CAMK1D: variants seen among roughly 807,000 people sequenced by gnomAD.
The protein encoded by CAMK1D is calcium/calmodulin dependent protein kinase ID.
Under a neutral mutation model 47.7 loss-of-function variants are expected in CAMK1D, and 9 were observed. The observed-to-expected ratio is 0.19, with a 90% CI of 0.11 to 0.33. The LOEUF is 0.33. Ranked by LOEUF, CAMK1D falls within the 10% of genes least tolerant of loss-of-function variation. CAMK1D has a pLI of 1.00. For missense variants in CAMK1D, 291 were observed against 488.7 expected, an observed-to-expected ratio of 0.60 and a Z score of 3.81; for synonymous variants, 184 against 184.9, an observed-to-expected ratio of 0.99 and a Z score of 0.04.
intron 2 of CAMK1D, among the ~76,000 whole-genome samples, chr10:12,612,127 TG>T (rs1437126124): frequency 6.6e-6 from 1 of 152,198 alleles, no homozygotes; most frequent in Non-Finnish European, 1.5e-5. Flanking sequence ...TCTCTTTCTC[TG>T]GGACCTTAAG....
At position 12,637,194 on chromosome 10, in the gene CAMK1D, A is replaced by T. The variant is rs372311782; in HGVS notation, c.225-29542A>T. Among the ~76,000 whole-genome samples, 436 of 150,244 alleles carry T rather than the reference A, an allele frequency of 2.9e-3. 1 individual carries two copies. Among genetic ancestry groups the T allele is most frequent in the African/African-American group, 0.01 (421 of 40,862 alleles). ...ACCATGTTGGCCAGGCTGATCTTGA[A>T]CTCCTTGCCTCATGTGATCCACCCG... On this transcript the variant is annotated intron_variant, in intron 2 of 10. Coordinates refer to ENST00000619168, the MANE Select transcript of CAMK1D (RefSeq NM_153498.4).
At chr10:12,588,860 GTA>G (rs199590472) in intron 2 of CAMK1D, among the ~76,000 whole-genome samples, 10,297 of 106,320 alleles carry the variant, frequency 0.097, 1,097 homozygotes, top group African/African-American at 0.3. Context: ...ACATGTATAT[GTA>G]TATATGTGTG....
intron 8 of CAMK1D, among the ~76,000 whole-genome samples, chr10:12,820,458 G>A (rs1832975281): frequency 6.6e-6 from 1 of 152,180 alleles, no homozygotes; most frequent in African/African-American, 2.4e-5. Flanking sequence ...ACATTGCCTG[G>A]GCAAAGTAGA....
chr10:12,490,472 GA>G (rs1205066295), intron 1 of CAMK1D, among the ~76,000 whole-genome samples: 10 of 152,136 alleles, frequency 6.6e-5, no homozygotes, highest in African/African-American at 2.4e-4. Flanking sequence ...AGGGCATTGA[GA>G]AAAAGTAGCA....
chr10:12,625,193 G>A (rs1839170046), intron 2 of CAMK1D, among the ~76,000 whole-genome samples: 1 of 151,618 alleles, frequency 6.6e-6, no homozygotes, highest in Non-Finnish European at 1.5e-5. Context: ...AAAATGAACT[G>A]GGCGTGGTGG....
At chr10:12,642,516 C>A (rs541155284) in intron 2 of CAMK1D, among the ~76,000 whole-genome samples, 1 of 152,184 alleles carries the variant, frequency 6.6e-6, no homozygotes, top group South Asian at 2.1e-4. Flanking sequence ...GGGATTTTTC[C>A]CAGGACTGGG....
intron 8 of CAMK1D, among the ~76,000 whole-genome samples, chr10:12,817,145 A>C (rs567941086): frequency 3.9e-5 from 6 of 152,320 alleles, no homozygotes; most frequent in African/African-American, 1.4e-4. Context: ...CTGTGATTCA[A>C]TTACCTCCCA....
At chr10:12,693,783 A>G (rs1433578929) in intron 3 of CAMK1D, among the ~76,000 whole-genome samples, 1 of 148,498 alleles carries the variant, frequency 6.7e-6, no homozygotes, top group Non-Finnish European at 1.5e-5. Flanking sequence ...ATTCCTCAAA[A>G]TAAATCCTCG....
At chr10:12,631,709 A>G (rs1588711612) in intron 2 of CAMK1D, among the ~76,000 whole-genome samples, 3 of 149,022 alleles carry the variant, frequency 2.0e-5, no homozygotes, top group Non-Finnish European at 1.5e-5. Context: ...TTTTGGTGAC[A>G]TCAAAAGCTT....
At chr10:12,798,320 A>ACATGTGT (rs1261278514) in intron 6 of CAMK1D, among the ~76,000 whole-genome samples, 1 of 152,228 alleles carries the variant, frequency 6.6e-6, no homozygotes, top group Admixed American at 6.5e-5. Context: ...ATCGAGCCTA[A>ACATGTGT]CATGTGTCAG....
At chr10:12,613,387 G>A (rs1039967570) in intron 2 of CAMK1D, among the ~76,000 whole-genome samples, 1 of 152,210 alleles carries the variant, frequency 6.6e-6, no homozygotes, top group East Asian at 1.9e-4. Context: ...AAATAGGCCA[G>A]TGTTATTGAA....
chr10:12,483,832 G>A (rs911200773), intron 1 of CAMK1D, among the ~76,000 whole-genome samples: 2 of 152,008 alleles, frequency 1.3e-5, no homozygotes, highest in Non-Finnish European at 1.5e-5. Context: ...GATTACAGGC[G>A]TGCACCACCA....
chr10:12,543,689 G>A (rs1048610407), intron 1 of CAMK1D, among the ~76,000 whole-genome samples: 11 of 152,138 alleles, frequency 7.2e-5, no homozygotes, highest in African/African-American at 1.2e-4. Flanking sequence ...TAGGGCACAC[G>A]CATTTTTGTG....
At position 12,734,129 on chromosome 10, in the gene CAMK1D, A is replaced by C. The variant is rs571633307; in HGVS notation, c.300-26819A>C. Among the ~76,000 whole-genome samples, 6 of 151,076 alleles carry C rather than the reference A, an allele frequency of 4.0e-5. No homozygotes were observed. The South Asian group carries it at 1.1e-3, about 27-fold the overall frequency. On this transcript the variant is annotated intron_variant, in intron 3 of 10. Coordinates refer to ENST00000619168, the MANE Select transcript of CAMK1D (RefSeq NM_153498.4). Reference sequence around the variant, plus strand: ...GATCACTTGAGGTCAGGAGTTCGAGACCACCCTGGCCAACATGGTGAAACC... The same window carrying C: ...GATCACTTGAGGTCAGGAGTTCGAGCCCACCCTGGCCAACATGGTGAAACC...
intron 3 of CAMK1D, among the ~76,000 whole-genome samples, chr10:12,694,503 T>C (rs1833165548): frequency 1.5e-5 from 2 of 129,524 alleles, no homozygotes; most frequent in African/African-American, 5.8e-5. Flanking sequence ...ACATAAAATA[T>C]ATATTATATA....
intron 4 of CAMK1D, among the ~76,000 whole-genome samples, chr10:12,764,571 C>G (rs1291078142): frequency 3.3e-5 from 5 of 151,894 alleles, no homozygotes; most frequent in Non-Finnish European, 5.9e-5. Context: ...TGTGAAATCA[C>G]TTACTCTCCT....
chr10:12,831,910 T>C lies in CAMK1D; in HGVS notation c.*3023T>C, dbSNP rs1477785858. 6.6e-6 allele frequency: 1 copy of C among 152,218 alleles called. No individual in the cohort carries two copies. 9.4% of individuals were successfully genotyped at this position (152,218 alleles called of 1,614,324 possible). On this transcript the variant is annotated 3_prime_UTR_variant, in exon 11 of 11. Coordinates refer to ENST00000619168, the MANE Select transcript of CAMK1D (RefSeq NM_153498.4). ...ACCTAGAATGTGCCTTTCGTGAAGGTCTGACAAATGGGGTCTCAGAGTCCT... is the reference window on the plus strand; with the variant it reads ...ACCTAGAATGTGCCTTTCGTGAAGGCCTGACAAATGGGGTCTCAGAGTCCT...
At chr10:12,601,171 AGTTTTTTTTTTTTGTTTGTTT>A (rs1404908116) in intron 2 of CAMK1D, among the ~76,000 whole-genome samples, 1 of 114,774 alleles carries the variant, frequency 8.7e-6, no homozygotes, top group African/African-American at 2.7e-5. Flanking sequence ...ATAAAATGAT[AGTTTTTTTTTTTTGTTTGTTT>A]GTTTTTTTTT....
chr10:12,467,509 C>T (rs896688990), intron 1 of CAMK1D, among the ~76,000 whole-genome samples: 1 of 152,100 alleles, frequency 6.6e-6, no homozygotes. Flanking sequence ...GTGACTTGAG[C>T]CATGTCCCAA....
Sources: allele counts gnomAD v4.1 joint callset (sites outside exome capture counted in the v4.1 genomes callset), GRCh38; gene constraint gnomAD v4.1.1; transcripts MANE v1.5; gene names NCBI Gene and HGNC (gene_info 2026-07-23, HGNC 2026-07-21).